Variants in MACROD2 observed in about 807,000 individuals in gnomAD.
MACROD2 encodes the protein ADP-ribose glycohydrolase MACROD2.
In MACROD2, 36 loss-of-function variants were observed where a neutral mutation model predicts 70.4. That is an observed-to-expected ratio of 0.51 (90% CI 0.39 to 0.68). The LOEUF (loss-of-function observed/expected upper bound fraction) is 0.68. Ranked by LOEUF, MACROD2 falls within the 30% of genes least tolerant of loss-of-function variation. The pLI is 0.00. For missense variants in MACROD2, 496 were observed against 538.4 expected, an observed-to-expected ratio of 0.92 and a Z score of 0.78; for synonymous variants, 172 against 178.8, an observed-to-expected ratio of 0.96 and a Z score of 0.30.
chr20:14,325,879 G>C (rs1171451492), intron 3 of MACROD2: 1 of 1,613,936 alleles, frequency 6.2e-7, no homozygotes, highest in South Asian at 1.1e-5. Context: ...AGCAAGAAGG[G>C]CAATGGTAAC....
intron 8 of MACROD2, among the ~76,000 whole-genome samples, chr20:15,784,086 C>T (rs1050556902): frequency 6.6e-6 from 1 of 152,084 alleles, no homozygotes; most frequent in Non-Finnish European, 1.5e-5. Context: ...ATGTAATAGT[C>T]TCAAATGTCG....
At chr20:14,943,718 G>A (rs1172458565) in intron 5 of MACROD2, among the ~76,000 whole-genome samples, 4 of 152,054 alleles carry the variant, frequency 2.6e-5, no homozygotes, top group African/African-American at 9.7e-5. Context: ...CTTCATGGAG[G>A]ATTAACATTT....
intron 3 of MACROD2, among the ~76,000 whole-genome samples, chr20:14,098,806 GCAAAGCAT>G (rs1411041003): frequency 1.3e-5 from 2 of 152,120 alleles, no homozygotes; most frequent in Non-Finnish European, 2.9e-5. Context: ...ATCTCTACTA[GCAAAGCAT>G]CAAAAGTCAT....
At chr20:15,188,491 T>C (rs2076548281) in intron 5 of MACROD2, among the ~76,000 whole-genome samples, 1 of 152,218 alleles carries the variant, frequency 6.6e-6, no homozygotes, top group East Asian at 1.9e-4. Flanking sequence ...TGCTAGCAGT[T>C]TCCCTTGAAG....
chr20:15,278,002 A>G (rs2077408421), intron 6 of MACROD2, among the ~76,000 whole-genome samples: 1 of 152,212 alleles, frequency 6.6e-6, no homozygotes, highest in Admixed American at 6.5e-5. Context: ...GAAAATAAAT[A>G]AACTATACTA....
At chr20:15,226,113 T>G (rs1187009941) in intron 5 of MACROD2, among the ~76,000 whole-genome samples, 1 of 143,556 alleles carries the variant, frequency 7.0e-6, no homozygotes, top group Non-Finnish European at 1.6e-5. Context: ...GAGATGCACT[T>G]GAGAGCTGCA....
chr20:15,693,081 G>A (rs1243671151), intron 8 of MACROD2, among the ~76,000 whole-genome samples: 1 of 152,074 alleles, frequency 6.6e-6, no homozygotes, highest in African/African-American at 2.4e-5. Flanking sequence ...TTCCAATCAT[G>A]CTTCCTGTTA....
chr20:15,305,424 T>C (rs2146135725), intron 6 of MACROD2, among the ~76,000 whole-genome samples: 1 of 152,344 alleles, frequency 6.6e-6, no homozygotes, highest in African/African-American at 2.4e-5. Flanking sequence ...TTTATTTTGC[T>C]AACTAAGCAA....
intron 8 of MACROD2, among the ~76,000 whole-genome samples, chr20:15,750,671 T>C (rs1333550901): frequency 1.3e-5 from 2 of 152,036 alleles, no homozygotes; most frequent in Admixed American, 1.3e-4. Flanking sequence ...ATTCCCATGT[T>C]TATTGCAGCC....
chr20:15,027,959 G>T (rs1193874176), intron 5 of MACROD2, among the ~76,000 whole-genome samples: 2 of 152,180 alleles, frequency 1.3e-5, no homozygotes, highest in African/African-American at 2.4e-5. Context: ...TCCCATGCTG[G>T]AATGTGGTGG....
At chr20:14,492,217 A>G (rs1189975758) in intron 3 of MACROD2, among the ~76,000 whole-genome samples, 2 of 152,208 alleles carry the variant, frequency 1.3e-5, no homozygotes, top group African/African-American at 2.4e-5. Context: ...TTATGACATC[A>G]GAAGTGAGTT....
At chr20:15,244,380 C>T (rs1001278155) in intron 6 of MACROD2, among the ~76,000 whole-genome samples, 1 of 152,118 alleles carries the variant, frequency 6.6e-6, no homozygotes, top group Admixed American at 6.5e-5. Context: ...CATCTAATAG[C>T]AACACCAAAG....
intron 15 of MACROD2, among the ~76,000 whole-genome samples, chr20:16,029,258 T>G (rs2067121349): frequency 2.0e-5 from 3 of 152,178 alleles, no homozygotes. Context: ...CTTTGAATTT[T>G]GGGAGGACAC....
At chr20:15,642,264 T>C (rs2049471460) in intron 8 of MACROD2, among the ~76,000 whole-genome samples, 1 of 152,184 alleles carries the variant, frequency 6.6e-6, no homozygotes, top group South Asian at 2.1e-4. Context: ...CGGTTATTTC[T>C]GAAAGGATAG....
chr20:15,392,481 CT>C (rs557894488), intron 6 of MACROD2, among the ~76,000 whole-genome samples: 5 of 151,916 alleles, frequency 3.3e-5, no homozygotes, highest in South Asian at 2.1e-4. Flanking sequence ...GGTTGTTAGA[CT>C]TTTTTTTCCC....
chr20:15,194,401 T>C (rs1010063288), intron 5 of MACROD2, among the ~76,000 whole-genome samples: 4 of 152,132 alleles, frequency 2.6e-5, no homozygotes, highest in African/African-American at 9.7e-5. Flanking sequence ...ATTTCATGCA[T>C]GCTTTAACTG....
intron 5 of MACROD2, among the ~76,000 whole-genome samples, chr20:15,082,523 G>GTTTTTTT (rs753606217): frequency 3.9e-5 from 4 of 101,744 alleles, no homozygotes; most frequent in African/African-American, 8.1e-5. Context: ...ACTGCAAGAG[G>GTTTTTTT]TTTTTTTTTT....
intron 3 of MACROD2, among the ~76,000 whole-genome samples, chr20:14,320,621 C>T (rs2082650281): frequency 6.6e-6 from 1 of 151,704 alleles, no homozygotes; most frequent in South Asian, 2.1e-4. Flanking sequence ...CCAAACACCT[C>T]CTAAATCAGT....
At chr20:15,784,765 G>A (rs1407740075) in intron 8 of MACROD2, among the ~76,000 whole-genome samples, 3 of 151,976 alleles carry the variant, frequency 2.0e-5, no homozygotes, top group African/African-American at 7.3e-5. Flanking sequence ...ATAAATGGGG[G>A]GCCATGGTAG....
Sources: gnomAD v4.1 joint callset for allele counts (sites outside exome capture counted in the v4.1 genomes callset) on GRCh38, gnomAD v4.1.1 for gene constraint, MANE v1.5 for transcripts, NCBI Gene and HGNC (gene_info 2026-07-23, HGNC 2026-07-21) for gene names.